The following AGO4 variants were observed in gnomAD, a reference collection of about 807,000 sequenced individuals.
AGO4 encodes the protein argonaute RISC component 4.
In AGO4, 33 loss-of-function variants were observed where a neutral mutation model predicts 104.7. The observed-to-expected ratio is 0.32, with a 90% CI of 0.24 to 0.42. AGO4 has a LOEUF of 0.42. Ranked by LOEUF, AGO4 falls within the 10% of genes least tolerant of loss-of-function variation. The pLI is 1.00. For missense variants in AGO4, 711 were observed against 1,083.4 expected (o/e 0.66, Z 4.83); for synonymous variants, 331 against 364.7 (o/e 0.91, Z 1.05).
At chr1:35,847,566 C>A (rs1387345764) in intron 15 of AGO4, among the ~76,000 whole-genome samples, 1 of 152,176 alleles carries the variant, frequency 6.6e-6, no homozygotes, top group Non-Finnish European at 1.5e-5. Context: ...GGGCCACATT[C>A]AAAGCCATCC....
At chr1:35,852,753 A>G (rs1348162045) in intron 17 of AGO4, among the ~76,000 whole-genome samples, 2 of 152,210 alleles carry the variant, frequency 1.3e-5, no homozygotes, top group East Asian at 1.9e-4. Context: ...AAAGAAAAAT[A>G]TAGGATTCTG....
At chr1:35,843,296 C>T (rs550513187) in intron 15 of AGO4, among the ~76,000 whole-genome samples, 3 of 152,108 alleles carry the variant, frequency 2.0e-5, no homozygotes, top group Non-Finnish European at 2.9e-5. Context: ...GAACTCCTGA[C>T]CTCAGGTGAT....
rs1050214942 is a variant in AGO4, at chr1:35,855,276, G to GC, written c.*1675dup. ...ACAATGGGGTGAAAACAATTTTGCC[G>GC]CCCCTGCCTGGAAACTGCTGGTGGG... On this transcript the variant is annotated 3_prime_UTR_variant, in exon 18 of 18. Transcript: ENST00000373210. 6 of 152,752 alleles carry GC rather than the reference G, an allele frequency of 3.9e-5. No individual in the cohort carries two copies. The highest frequency in any genetic ancestry group is 7.3e-5 in the Non-Finnish European group (5 of 68,168). 9.5% of individuals were successfully genotyped at this position (152,752 alleles called of 1,614,324 possible). A position where few individuals can be genotyped will look rare whatever the true frequency, so the allele number is the denominator to read the frequency against.
rs74615191 is a variant in AGO4 at position 35,812,016 on chromosome 1, G to A, written c.19+3581G>A. Among the ~76,000 whole-genome samples the A allele has an allele frequency of 0.012, 1,762 of 152,114 alleles. 70 individuals are homozygous for A. The East Asian group carries it at 0.15, about 13-fold the overall frequency. On this transcript the variant is annotated intron_variant, in intron 1 of 17. Transcript: ENST00000373210. Reference sequence around the variant, plus strand: ...AGAGAGGCCAAGAAACTGGCCCAACGTCATGCAATTAGGGAGTGGTGAGAC... The same window carrying A: ...AGAGAGGCCAAGAAACTGGCCCAACATCATGCAATTAGGGAGTGGTGAGAC...
intron 7 of AGO4, among the ~76,000 whole-genome samples, chr1:35,827,650 C>A (rs1644058754): frequency 1.3e-5 from 2 of 152,092 alleles, no homozygotes; most frequent in South Asian, 4.1e-4. Context: ...AAAACACATT[C>A]CTTGCCTTTA....
intron 11 of AGO4, among the ~76,000 whole-genome samples, chr1:35,833,126 A>T (rs1644226385): frequency 6.6e-6 from 1 of 152,058 alleles, no homozygotes; most frequent in African/African-American, 2.4e-5. Flanking sequence ...TAAAATACAA[A>T]AAATCAGCCA....
At chr1:35,831,613 G>C in intron 8 of AGO4, 39 bp downstream of exon 8, 1 of 1,598,970 alleles carries the variant, frequency 6.3e-7, no homozygotes, top group Non-Finnish European at 8.5e-7. Flanking sequence ...CTGATCTCTT[G>C]AATGAGTATA....
chr1:35,823,638 C>G (rs373078305), intron 3 of AGO4, among the ~76,000 whole-genome samples: 17 of 151,992 alleles, frequency 1.1e-4, no homozygotes, highest in African/African-American at 4.1e-4. Context: ...TATATGTTGG[C>G]CAGGCTGGTC....
Position 35,841,469 on chromosome 1 carries a change from C to G in AGO4, c.2029C>G (p.Gln677Glu), listed in dbSNP as rs758417592. 6.2e-7 allele frequency: 1 copy of G among 1,612,330 alleles called. No homozygotes were observed. Among genetic ancestry groups the G allele is most frequent in the Non-Finnish European group, 8.5e-7 (1 of 1,178,460 alleles). The part of the protein sequence containing the change: ...IYYRGGVSEG[Q>E]MKQVAWPELI... ...TTACCGTGGAGGGGTATCTGAGGGA[C>G]AAATGAAACAGGTACTCTCATTATC... Residue 677 changes from glutamine (Q) to glutamate (E), a missense_variant, in exon 14 of 18, where the codon CAA (glutamine) becomes GAA (glutamate). Physicochemically the swap from Gln to Glu is conservative, Grantham distance 29 (BLOSUM62 2). Around this residue, in one of 3 missense-constraint regions of AGO4, gnomAD observed 401 missense variants for 665.5 expected, o/e 0.60. Coordinates refer to ENST00000373210, the MANE Select transcript of AGO4 (RefSeq NM_017629.4). This position sits in a 1 kb window ranked among gnomAD's most constrained non-coding sequence, Gnocchi z 4.7.
intron 15 of AGO4, among the ~76,000 whole-genome samples, chr1:35,842,435 G>A (rs1213263597): frequency 1.3e-5 from 2 of 152,222 alleles, no homozygotes; most frequent in Non-Finnish European, 2.9e-5. Context: ...AATATTTATA[G>A]TGTCGCACTT....
At chr1:35,828,094 A>T (rs1644076090) in intron 7 of AGO4, among the ~76,000 whole-genome samples, 1 of 152,164 alleles carries the variant, frequency 6.6e-6, no homozygotes, top group Admixed American at 6.5e-5. Flanking sequence ...TAAGGCCTAG[A>T]TATCATATAA....
chr1:35,823,379 A>T (rs574887614), intron 3 of AGO4, among the ~76,000 whole-genome samples: 2 of 152,102 alleles, frequency 1.3e-5, no homozygotes, highest in East Asian at 3.9e-4. Context: ...CAGCCTTCCA[A>T]GTAGCTGGGA....
intron 15 of AGO4, among the ~76,000 whole-genome samples, chr1:35,846,607 AT>A: frequency 1.8e-3 from 1 of 552 alleles, no homozygotes; most frequent in Middle Eastern, 0.25. Flanking sequence ...AAAAAAAGAT[AT>A]ATATATATAT....
intron 1 of AGO4, among the ~76,000 whole-genome samples, chr1:35,810,035 T>G (rs74875393): frequency 2.5e-4 from 37 of 149,302 alleles, no homozygotes; most frequent in East Asian, 1.4e-3. Context: ...CTCTTTTTTT[T>G]TTTTGTTTTG....
At chr1:35,828,433 T>C (rs1644088558) in intron 7 of AGO4, among the ~76,000 whole-genome samples, 1 of 152,146 alleles carries the variant, frequency 6.6e-6, no homozygotes, top group Non-Finnish European at 1.5e-5. Flanking sequence ...TAGGTAGCTG[T>C]CACTTCTTAC....
chr1:35,845,155 C>CTT lies in AGO4; in HGVS notation c.2175+3421_2175+3422dup, dbSNP rs548091218. ...TTGAAATGGAGTTTCTGTAATCAGACTTTTTTTTTTTTTTTTTGAAATGGA... is the reference window on the plus strand; with the variant it reads ...TTGAAATGGAGTTTCTGTAATCAGACTTTTTTTTTTTTTTTTTTTGAAATGGA... On this transcript the variant is annotated intron_variant, in intron 15 of 17. Coordinates refer to ENST00000373210, the MANE Select transcript of AGO4 (RefSeq NM_017629.4). Among the ~76,000 whole-genome samples the CTT allele has an allele frequency of 7.3e-5, 2 of 27,242 alleles. 1 individual carries two copies. Among genetic ancestry groups the CTT allele is most frequent in the African/African-American group, 3.2e-4 (2 of 6,220 alleles). 17.9% of individuals were successfully genotyped at this position (27,242 alleles called of 152,430 possible).
intron 2 of AGO4, among the ~76,000 whole-genome samples, chr1:35,822,656 G>A (rs965797999): frequency 6.6e-6 from 1 of 152,108 alleles, no homozygotes; most frequent in Non-Finnish European, 1.5e-5. Context: ...CCCCATTTCT[G>A]ATATCATCTT....
At position 35,818,625 on chromosome 1, in the gene AGO4, A is replaced by AAAAGAAAGAAAGAAAGAAAG. The variant is rs60952067; in HGVS notation, c.185+1595_185+1614dup. Reference sequence around the variant, plus strand: ...GGCAACAGAGGGAGACTCTGTCTCAAAAAGAAAGAAAGAAAGAAAGAAAGA... The same window carrying AAAAGAAAGAAAGAAAGAAAG: ...GGCAACAGAGGGAGACTCTGTCTCAAAAAGAAAGAAAGAAAGAAAGAAAGAAAGAAAGAAAGAAAGAAAGA... On this transcript the variant is annotated intron_variant, in intron 2 of 17. Transcript: ENST00000373210. Among the ~76,000 whole-genome samples, 484 of 126,100 alleles carry AAAAGAAAGAAAGAAAGAAAG rather than the reference A, an allele frequency of 3.8e-3. 2 individuals carry two copies. The highest frequency in any genetic ancestry group is 5.5e-3 in the Non-Finnish European group (336 of 61,438). 82.7% of individuals were successfully genotyped at this position (126,100 alleles called of 152,430 possible).
At chr1:35,829,929 G>A (rs893847608) in intron 7 of AGO4, among the ~76,000 whole-genome samples, 46 of 151,064 alleles carry the variant, frequency 3.0e-4, no homozygotes, top group Non-Finnish European at 3.2e-4. Context: ...GGAGGCTGAG[G>A]AAAGAGGATT....
Sources: allele counts gnomAD v4.1 joint callset (sites outside exome capture counted in the v4.1 genomes callset), GRCh38; gene constraint gnomAD v4.1.1; regional missense constraint gnomAD v4.1.1; non-coding constraint Gnocchi (gnomAD v3.1); transcripts MANE v1.5; gene names NCBI Gene and HGNC (gene_info 2026-07-23, HGNC 2026-07-21).